COL14A1: variants seen among roughly 807,000 people sequenced by gnomAD.
COL14A1 encodes collagen alpha-1(XIV) chain.
In COL14A1, 136 loss-of-function variants were observed where a neutral mutation model predicts 230.3. That is an observed-to-expected ratio of 0.59 (90% CI 0.51 to 0.68). The LOEUF (loss-of-function observed/expected upper bound fraction) is 0.68, where lower values mean the gene tolerates loss of function less well. Ranked by LOEUF, COL14A1 falls within the 30% of genes least tolerant of loss-of-function variation. The pLI, the probability that COL14A1 is intolerant of heterozygous loss-of-function variation, is 0.00. For missense variants in COL14A1, 1,976 were observed against 2,215.8 expected (o/e 0.89, Z 2.17); for synonymous variants, 792 against 784.1 (o/e 1.01, Z -0.17).
intron 1 of COL14A1, among the ~76,000 whole-genome samples, chr8:120,127,030 A>G (rs931455673): frequency 5.3e-5 from 8 of 152,170 alleles, no homozygotes; most frequent in Non-Finnish European, 1.0e-4. Context: ...TAAATCCACC[A>G]TTTTAGAATA....
intron 35 of COL14A1, among the ~76,000 whole-genome samples, chr8:120,298,638 T>TATATACAC (rs398009611): frequency 3.4e-5 from 4 of 118,906 alleles, no homozygotes; most frequent in African/African-American, 1.3e-4. Context: ...TATATATATA[T>TATATACAC]ACAAAAATAC....
chr8:120,216,547 G>A, intron 14 of COL14A1, 57 bp downstream of exon 14: 2 of 1,515,440 alleles, frequency 1.3e-6, no homozygotes, highest in South Asian at 2.5e-5. Flanking sequence ...GTTATTTATG[G>A]CTACATAACC....
chr8:120,127,810 TTTTCC>T, intron 1 of COL14A1, among the ~76,000 whole-genome samples: 1 of 152,336 alleles, frequency 6.6e-6, no homozygotes, highest in Non-Finnish European at 1.5e-5. Flanking sequence ...ATGACTGCTG[TTTTCC>T]TGGCCTGTCT....
chr8:120,304,316 TTC>T (rs1343839934), intron 36 of COL14A1, among the ~76,000 whole-genome samples: 1 of 152,186 alleles, frequency 6.6e-6, no homozygotes, highest in African/African-American at 2.4e-5. Flanking sequence ...GCTTCTCTCA[TTC>T]TCTCAGTTGT....
intron 17 of COL14A1, 57 bp from the exon 18 acceptor site, chr8:120,228,653 C>T: frequency 7.6e-7 from 1 of 1,311,648 alleles, no homozygotes; most frequent in South Asian, 1.2e-5. Flanking sequence ...CTACAACATG[C>T]TATAGAAAAA....
chr8:120,252,447 A>C (rs1191233483), intron 22 of COL14A1, among the ~76,000 whole-genome samples: 3 of 152,230 alleles, frequency 2.0e-5, no homozygotes, highest in African/African-American at 7.2e-5. Flanking sequence ...CCAAAATACA[A>C]GTGGTTTGGC....
At position 120,207,012 on chromosome 8, in the gene COL14A1, T is replaced by C. The variant is rs765830546; in HGVS notation, c.1109T>C (p.Met370Thr). Residue 370 changes from methionine (M) to threonine (T), a missense_variant, in exon 10 of 48, where the codon ATG becomes ACG. Met to Thr is a moderately conservative substitution (Grantham distance 81). Transcript: ENST00000297848. ...ITSEVTARSF[M>T]VNWTHAPGNV... ...TCTGAAGTCACTGCCAGAAGCTTTA[T>C]GGTTAACTGGACTCATGCCCCAGGA... 3 of 1,613,822 alleles carry C rather than the reference T, an allele frequency of 1.9e-6. No individual in the cohort carries two copies. Among genetic ancestry groups the C allele is most frequent in the Non-Finnish European group, 2.5e-6 (3 of 1,179,926 alleles).
chr8:120,200,714 T>TA (rs1491446944), intron 8 of COL14A1, among the ~76,000 whole-genome samples: 18 of 81,850 alleles, frequency 2.2e-4, no homozygotes, highest in South Asian at 9.5e-4. Context: ...AGTTTTCCTA[T>TA]TTATATATAT....
At chr8:120,325,795 A>T (rs1821645004) in intron 40 of COL14A1, among the ~76,000 whole-genome samples, 1 of 151,952 alleles carries the variant, frequency 6.6e-6, no homozygotes, top group Non-Finnish European at 1.5e-5. Flanking sequence ...ACCTGGCCAC[A>T]TGTTCTGCTT....
intron 8 of COL14A1, among the ~76,000 whole-genome samples, chr8:120,199,928 A>G (rs1817173277): frequency 1.3e-5 from 2 of 151,802 alleles, no homozygotes; most frequent in African/African-American, 4.8e-5. Flanking sequence ...GGAAGAATCT[A>G]ATTTATCATT....
intron 28 of COL14A1, among the ~76,000 whole-genome samples, chr8:120,279,175 C>T (rs1046010346): frequency 3.3e-5 from 5 of 151,864 alleles, no homozygotes; most frequent in African/African-American, 1.2e-4. Flanking sequence ...GGAGGGAGAG[C>T]ATTAAGACAA....
At chr8:120,286,002 A>C (rs767585048) in intron 33 of COL14A1, 32 bp downstream of exon 33, 2 of 1,212,288 alleles carry the variant, frequency 1.6e-6, no homozygotes, top group Admixed American at 1.8e-5. Context: ...TATATTCTTT[A>C]TTCTATTTGC....
At chr8:120,283,403 A>G (rs944807313) in intron 31 of COL14A1, among the ~76,000 whole-genome samples, 9 of 152,208 alleles carry the variant, frequency 5.9e-5, no homozygotes, top group African/African-American at 2.2e-4. Flanking sequence ...AAAAATATTT[A>G]AGGAAATGGA....
chr8:120,298,450 A>G (rs959608522), intron 35 of COL14A1, among the ~76,000 whole-genome samples: 3 of 151,320 alleles, frequency 2.0e-5, no homozygotes, highest in African/African-American at 7.3e-5. Context: ...ATTTATACCA[A>G]GTGATGGTGT....
rs1823032100 is a variant in COL14A1, at chr8:120,357,621, C to A, written c.5078-9550C>A. Among the ~76,000 whole-genome samples the A allele has an allele frequency of 2.6e-5, 4 of 152,070 alleles. No individual in the cohort carries two copies. In the South Asian group the frequency reaches 8.3e-4, roughly 32 times the overall value. ...TGTCTGTTTAAACCATCACACTCTTCTAAATTAAAACAAGTCCTTCTGGCT... is the reference window on the plus strand; with the variant it reads ...TGTCTGTTTAAACCATCACACTCTTATAAATTAAAACAAGTCCTTCTGGCT... On this transcript the variant is annotated intron_variant, in intron 45 of 47. Coordinates refer to ENST00000297848, the MANE Select transcript of COL14A1 (RefSeq NM_021110.4).
chr8:120,360,730 C>A (rs543170808), intron 45 of COL14A1, among the ~76,000 whole-genome samples: 1 of 152,296 alleles, frequency 6.6e-6, no homozygotes, highest in African/African-American at 2.4e-5. Flanking sequence ...TCCATGACGA[C>A]CTGCTACATG....
chr8:120,164,813 C>T (rs1279388135), intron 4 of COL14A1, among the ~76,000 whole-genome samples: 1 of 152,198 alleles, frequency 6.6e-6, no homozygotes. Context: ...AATAACTTCA[C>T]TTACAGTTTG....
At chr8:120,220,433 C>T (rs1007302682) in intron 14 of COL14A1, among the ~76,000 whole-genome samples, 3 of 151,840 alleles carry the variant, frequency 2.0e-5, no homozygotes, top group South Asian at 4.2e-4. Context: ...ACCACCACGC[C>T]CAGCTAATTT....
intron 47 of COL14A1, chr8:120,370,664 A>G (rs1823555685): frequency 6.9e-7 from 1 of 1,449,996 alleles, no homozygotes; most frequent in Non-Finnish European, 9.2e-7. Context: ...AATTTATCCC[A>G]GACTCCCCTG....
Sources: allele counts gnomAD v4.1 joint callset (sites outside exome capture counted in the v4.1 genomes callset), GRCh38; gene constraint gnomAD v4.1.1; transcripts MANE v1.5; gene names NCBI Gene and HGNC (gene_info 2026-07-23, HGNC 2026-07-21).